NBAS: variants seen among roughly 807,000 people sequenced by gnomAD.
The protein encoded by NBAS is NAG/BC035112 fusion.
Under a neutral mutation model 302.5 loss-of-function variants are expected in NBAS, and 219 were observed. The observed-to-expected ratio is 0.72, with a 90% CI of 0.65 to 0.81. NBAS has a LOEUF of 0.81. Among genes scored for constraint, NBAS ranks in the 30% least tolerant of loss-of-function variants. The probability of loss-of-function intolerance (pLI) is 0.00; values close to 1 mark genes in which losing one functional copy is unlikely to be tolerated. For synonymous variants in NBAS, 1,118 were observed against 1,021.6 expected (o/e 1.09, Z -1.80); for missense variants, 2,932 against 2,841.6 (o/e 1.03, Z -0.72).
At chr2:14,914,869 G>A in the NBAS span, among the ~76,000 whole-genome samples, 4 of 152,214 alleles carry the variant, frequency 2.6e-5, no homozygotes, top group Non-Finnish European at 5.9e-5. Flanking sequence ...AAAGTCTGTA[G>A]CTTGAATTGG....
intron 42 of NBAS, among the ~76,000 whole-genome samples, chr2:15,277,501 G>A (rs570917953): frequency 2.1e-4 from 32 of 152,018 alleles, no homozygotes; most frequent in African/African-American, 7.7e-4. Context: ...AACATAAACA[G>A]CCTTATTATT....
intron 25 of NBAS, among the ~76,000 whole-genome samples, chr2:15,411,661 T>A (rs749140576): frequency 1.3e-5 from 2 of 152,220 alleles, no homozygotes. Flanking sequence ...AACAAAGCTA[T>A]GATACCTAGT....
Position 15,238,421 on chromosome 2 carries a change from G to A in NBAS, c.5943+47C>T, listed in dbSNP as rs199683818. On this transcript the variant is annotated intron_variant, in intron 45 of 51. Coordinates refer to ENST00000281513, the MANE Select transcript of NBAS (RefSeq NM_015909.4). The stretch of plus-strand genomic sequence containing the variant: ...ATGTAACTTTCAAGGAAAAAAGAAA[G>A]AATATACTGATACAGAGTGAGCATA... The A allele has an allele frequency of 1.6e-5, 25 of 1,563,976 alleles. No individual in the cohort carries two copies. The East Asian group carries it at 5.4e-4, about 34-fold the overall frequency.
chr2:15,389,231 A>G (rs1675468489), intron 28 of NBAS, among the ~76,000 whole-genome samples: 1 of 152,256 alleles, frequency 6.6e-6, no homozygotes, highest in Non-Finnish European at 1.5e-5. Context: ...GCCCTAGTCC[A>G]CAGTGGAAAA....
chr2:14,873,398 G>A, the NBAS span, among the ~76,000 whole-genome samples: 1 of 152,104 alleles, frequency 6.6e-6, no homozygotes, highest in Non-Finnish European at 1.5e-5. Context: ...TGTATTTTTA[G>A]TAGAGATGGG....
the NBAS span, among the ~76,000 whole-genome samples, chr2:15,160,310 C>T: frequency 1.3e-5 from 2 of 152,244 alleles, no homozygotes; most frequent in South Asian, 2.1e-4. Flanking sequence ...GGCATTCAAA[C>T]AGACAGGACT....
At chr2:14,802,406 T>C in the NBAS span, among the ~76,000 whole-genome samples, 1 of 151,560 alleles carries the variant, frequency 6.6e-6, no homozygotes, top group African/African-American at 2.4e-5. Flanking sequence ...ACCAGTCCCA[T>C]GCTGTTTTGG....
At chr2:15,033,863 G>A in the NBAS span, among the ~76,000 whole-genome samples, 1 of 151,848 alleles carries the variant, frequency 6.6e-6, no homozygotes, top group South Asian at 2.1e-4. Flanking sequence ...TGTGATGACG[G>A]CTTGAACCTA....
At chr2:15,260,700 G>A (rs2148013838) in intron 44 of NBAS, among the ~76,000 whole-genome samples, 1 of 152,290 alleles carries the variant, frequency 6.6e-6, no homozygotes, top group East Asian at 1.9e-4. Flanking sequence ...CCTGGAGCAG[G>A]CACTCCTCTG....
At chr2:14,938,978 G>T in the NBAS span, among the ~76,000 whole-genome samples, 1 of 152,182 alleles carries the variant, frequency 6.6e-6, no homozygotes, top group Non-Finnish European at 1.5e-5. Context: ...TTAATTGCAG[G>T]TATCATGACA....
At chr2:15,105,629 C>T in the NBAS span, among the ~76,000 whole-genome samples, 4 of 151,984 alleles carry the variant, frequency 2.6e-5, no homozygotes, top group African/African-American at 9.7e-5. Context: ...TCCCCGTGTG[C>T]CTGAGAACAA....
At chr2:15,011,310 A>T in the NBAS span, among the ~76,000 whole-genome samples, 3 of 152,194 alleles carry the variant, frequency 2.0e-5, no homozygotes. Context: ...AACAAATGCC[A>T]GTCACTATCC....
rs1471903805 is a variant in NBAS, at chr2:15,361,009, T to C, written c.3818-4593A>G. On this transcript the variant is annotated intron_variant, in intron 32 of 51. Transcript: ENST00000281513. ...AGAATTATGTACCAACATAACTATATGTGGCAAACTTACACAACTGGCTGT... is the reference window on the plus strand; with the variant it reads ...AGAATTATGTACCAACATAACTATACGTGGCAAACTTACACAACTGGCTGT... Among the ~76,000 whole-genome samples the C allele has an allele frequency of 2.0e-5, 3 of 152,336 alleles. No homozygotes were observed. The East Asian group carries it at 5.8e-4, about 29-fold the overall frequency.
chr2:14,993,753 A>G, the NBAS span, among the ~76,000 whole-genome samples: 1 of 152,236 alleles, frequency 6.6e-6, no homozygotes, highest in African/African-American at 2.4e-5. Flanking sequence ...TTGTCTTTCC[A>G]ATAGCTTGAT....
chr2:15,127,039 C>A, the NBAS span, among the ~76,000 whole-genome samples: 4 of 152,176 alleles, frequency 2.6e-5, no homozygotes, highest in African/African-American at 9.7e-5. Context: ...CCTCGGAATG[C>A]CCTGGGGGCA....
At chr2:15,529,713 T>C (rs1485893932) in intron 9 of NBAS, among the ~76,000 whole-genome samples, 4 of 152,126 alleles carry the variant, frequency 2.6e-5, no homozygotes, top group Non-Finnish European at 5.9e-5. Context: ...GAACTGAGCA[T>C]GTCACAGCAA....
chr2:14,879,330 T>C, the NBAS span, among the ~76,000 whole-genome samples: 1 of 152,198 alleles, frequency 6.6e-6, no homozygotes, highest in African/African-American at 2.4e-5. Context: ...AACTAGAGTA[T>C]ATTCTTCTCA....
the NBAS span, among the ~76,000 whole-genome samples, chr2:15,011,646 G>A: frequency 6.6e-6 from 1 of 151,976 alleles, no homozygotes; most frequent in Non-Finnish European, 1.5e-5. Flanking sequence ...GAGCCCCATG[G>A]CCCCAACCTG....
chr2:14,949,957 G>T, the NBAS span, among the ~76,000 whole-genome samples: 1 of 152,138 alleles, frequency 6.6e-6, no homozygotes, highest in Admixed American at 6.5e-5. Context: ...TTTGATGGAA[G>T]AAGTAAGACC....
Sources: gnomAD v4.1 joint callset for allele counts (sites outside exome capture counted in the v4.1 genomes callset) on GRCh38, gnomAD v4.1.1 for gene constraint, MANE v1.5 for transcripts, NCBI Gene and HGNC (gene_info 2026-07-23, HGNC 2026-07-21) for gene names.